The following EPHA6 variants were observed in gnomAD, a reference collection of about 807,000 sequenced individuals.
EPHA6 encodes ephrin type-A receptor 6.
EPHA6 carries 50 observed loss-of-function variants against 112.0 expected under a neutral mutation model. The observed-to-expected ratio is 0.45, with a 90% CI of 0.36 to 0.56. The LOEUF (loss-of-function observed/expected upper bound fraction) is 0.56, where lower values mean the gene tolerates loss of function less well. EPHA6 is among the 20% of genes least tolerant of loss of function. EPHA6 has a pLI of 0.00. For synonymous variants in EPHA6, 529 were observed against 490.7 expected, an observed-to-expected ratio of 1.08 and a Z score of -1.03; for missense variants, 1,280 against 1,417.4, an observed-to-expected ratio of 0.90 and a Z score of 1.56.
intron 5 of EPHA6, among the ~76,000 whole-genome samples, chr3:97,249,799 G>A (rs552948238): frequency 6.6e-6 from 1 of 152,284 alleles, no homozygotes; most frequent in South Asian, 2.1e-4. Flanking sequence ...GATGGTGTGA[G>A]TTAACTTTTC....
chr3:96,992,926 T>G (rs2043269988), intron 3 of EPHA6, among the ~76,000 whole-genome samples: 1 of 152,194 alleles, frequency 6.6e-6, no homozygotes, highest in South Asian at 2.1e-4. Context: ...CAATTTGTGC[T>G]AATTATTTGT....
intron 1 of EPHA6, among the ~76,000 whole-genome samples, chr3:96,824,860 A>G (rs1024702580): frequency 6.6e-6 from 1 of 151,972 alleles, no homozygotes; most frequent in Non-Finnish European, 1.5e-5. Flanking sequence ...GACTCCTTAA[A>G]ATGAAATAAG....
At chr3:97,484,203 T>A in intron 10 of EPHA6, 144 bp downstream of exon 10, 1 of 640,884 alleles carries the variant, frequency 1.6e-6, no homozygotes, top group South Asian at 4.2e-5. Flanking sequence ...GTATATGTTA[T>A]TTTTTTTAAG....
At chr3:97,384,087 A>C (rs1331441413) in intron 5 of EPHA6, among the ~76,000 whole-genome samples, 10 of 152,188 alleles carry the variant, frequency 6.6e-5, no homozygotes, top group Non-Finnish European at 8.8e-5. Flanking sequence ...GAAAATCTAT[A>C]AGGTTAAGTG....
intron 5 of EPHA6, among the ~76,000 whole-genome samples, chr3:97,338,458 C>T (rs2083159279): frequency 6.6e-6 from 1 of 152,054 alleles, no homozygotes; most frequent in African/African-American, 2.4e-5. Context: ...TTTGTATTGT[C>T]TACCCCTAGA....
At chr3:97,544,440 G>A (rs1208396240) in intron 11 of EPHA6, among the ~76,000 whole-genome samples, 1 of 152,196 alleles carries the variant, frequency 6.6e-6, no homozygotes, top group East Asian at 1.9e-4. Context: ...CACGGATGAA[G>A]CCCACTTGAT....
intron 3 of EPHA6, among the ~76,000 whole-genome samples, chr3:96,993,992 G>T (rs947371725): frequency 1.4e-4 from 21 of 152,072 alleles, no homozygotes; most frequent in African/African-American, 5.1e-4. Context: ...TATTTAAATT[G>T]CATTTAAATA....
chr3:97,185,314 C>T (rs1029200526), intron 3 of EPHA6, among the ~76,000 whole-genome samples: 11 of 152,064 alleles, frequency 7.2e-5, no homozygotes, highest in African/African-American at 2.7e-4. Context: ...GCAATGTACT[C>T]GTCTGACAAA....
At chr3:97,411,236 G>A (rs1044265665) in intron 6 of EPHA6, among the ~76,000 whole-genome samples, 2 of 151,960 alleles carry the variant, frequency 1.3e-5, no homozygotes, top group African/African-American at 4.8e-5. Context: ...ATTCTCTGTG[G>A]AAGCTTGTCT....
chr3:97,630,359 T>C (rs998046940), intron 13 of EPHA6, among the ~76,000 whole-genome samples: 6 of 151,994 alleles, frequency 3.9e-5, no homozygotes, highest in African/African-American at 9.7e-5. Flanking sequence ...AAAAAGGAGA[T>C]AGTTACTTAT....
intron 5 of EPHA6, among the ~76,000 whole-genome samples, chr3:97,353,015 A>T (rs1287525501): frequency 6.6e-6 from 1 of 152,126 alleles, no homozygotes; most frequent in East Asian, 1.9e-4. Flanking sequence ...TCCAGGCCCT[A>T]GTTCCTGGAT....
chr3:96,910,040 A>G (rs997736560), intron 2 of EPHA6, among the ~76,000 whole-genome samples: 9 of 151,996 alleles, frequency 5.9e-5, no homozygotes, highest in African/African-American at 2.2e-4. Context: ...TTCTCTGGAA[A>G]ACTCTGAATG....
intron 3 of EPHA6, among the ~76,000 whole-genome samples, chr3:97,100,529 A>G (rs1310042984): frequency 6.6e-6 from 1 of 151,868 alleles, no homozygotes; most frequent in Non-Finnish European, 1.5e-5. Flanking sequence ...TGCCCACATC[A>G]TGTAGCTCTT....
At chr3:97,141,943 GC>G (rs1435622760) in intron 3 of EPHA6, among the ~76,000 whole-genome samples, 2 of 151,896 alleles carry the variant, frequency 1.3e-5, no homozygotes, top group African/African-American at 4.8e-5. Context: ...TGCAGTGTTT[GC>G]CCCAAGATAA....
chr3:96,814,926 G>A lies in EPHA6; in HGVS notation c.303G>A (p.Arg101=). ...GAACCATGGGGGGCTGCGAAGTCCG[G>A]GAATTTCTTTTGCAATTTGGTTTCT... is the stretch of plus-strand genomic sequence containing the variant. ...PRRTMGGCEV[R]EFLLQFGFFL... Residue 101 remains arginine, a synonymous_variant, in exon 1 of 18, where the codon CGG becomes CGA. Transcript: ENST00000389672. 1 of 1,551,774 alleles carries A rather than the reference G, an allele frequency of 6.4e-7. No individual in the cohort carries two copies. The highest frequency in any genetic ancestry group is 8.7e-7 in the Non-Finnish European group (1 of 1,146,836).
intron 13 of EPHA6, among the ~76,000 whole-genome samples, chr3:97,616,760 C>T (rs1256059780): frequency 1.3e-5 from 2 of 151,862 alleles, no homozygotes; most frequent in Non-Finnish European, 2.9e-5. Context: ...TAAACAAAAC[C>T]TCCAAGAAAT....
intron 5 of EPHA6, among the ~76,000 whole-genome samples, chr3:97,265,621 G>A (rs1009740783): frequency 6.6e-6 from 1 of 152,206 alleles, no homozygotes; most frequent in South Asian, 2.1e-4. Flanking sequence ...AAGACCCCGA[G>A]GGTGCAGAGC....
chr3:97,724,221 T>C (rs554935814), intron 15 of EPHA6, among the ~76,000 whole-genome samples: 1 of 152,296 alleles, frequency 6.6e-6, no homozygotes, highest in Non-Finnish European at 1.5e-5. Flanking sequence ...TGCAGACTGT[T>C]GTATATTTTA....
chr3:97,333,468 C>CTTTTTTTTTTTTT lies in EPHA6; in HGVS notation c.1607-71671_1607-71659dup, dbSNP rs869258362. 1.8e-4 allele frequency among the ~76,000 whole-genome samples: 14 copies of CTTTTTTTTTTTTT among 75,880 alleles called. 1 individual carries two copies. Among genetic ancestry groups the CTTTTTTTTTTTTT allele is most frequent in the African/African-American group, 5.7e-4 (10 of 17,554 alleles). 49.8% of individuals were successfully genotyped at this position (75,880 alleles called of 152,430 possible). ...TTCCTTTACACTCTGTATGGCTTTT[C>CTTTTTTTTTTTTT]TTTTTTTTTTTTTTTTTTTTTTTGA... On this transcript the variant is annotated intron_variant, in intron 5 of 17. Transcript: ENST00000389672.
Sources: gnomAD v4.1 joint callset for allele counts (sites outside exome capture counted in the v4.1 genomes callset) on GRCh38, gnomAD v4.1.1 for gene constraint, MANE v1.5 for transcripts, NCBI Gene and HGNC (gene_info 2026-07-23, HGNC 2026-07-21) for gene names.